Variants in UNC5D observed in about 807,000 individuals in gnomAD.
The protein encoded by UNC5D is unc-5 netrin receptor D.
UNC5D carries 39 observed loss-of-function variants against 105.4 expected under a neutral mutation model. The ratio of observed to expected loss-of-function variants is 0.37; its 90% CI spans 0.29 to 0.48. The LOEUF (loss-of-function observed/expected upper bound fraction) is 0.48. Among genes scored for constraint, UNC5D ranks in the 20% least tolerant of loss-of-function variants. The pLI is 0.98. For missense variants in UNC5D, 991 were observed against 1,202.4 expected, an observed-to-expected ratio of 0.82 and a Z score of 2.60; for synonymous variants, 452 against 450.4, an observed-to-expected ratio of 1.00 and a Z score of -0.04.
chr8:35,451,219 T>C (rs1808132760), intron 1 of UNC5D, among the ~76,000 whole-genome samples: 1 of 152,016 alleles, frequency 6.6e-6, no homozygotes, highest in Non-Finnish European at 1.5e-5. Context: ...AATTTTGTAT[T>C]GTTAGTAGAG....
At chr8:35,261,125 T>C (rs1015363614) in intron 1 of UNC5D, among the ~76,000 whole-genome samples, 2 of 152,200 alleles carry the variant, frequency 1.3e-5, no homozygotes, top group African/African-American at 4.8e-5. Flanking sequence ...AGCAATTAAT[T>C]GTGAAACTAT....
chr8:35,304,810 C>A (rs1371095750), intron 1 of UNC5D, among the ~76,000 whole-genome samples: 2 of 152,102 alleles, frequency 1.3e-5, no homozygotes, highest in Non-Finnish European at 2.9e-5. Context: ...ACTGTGTCTG[C>A]AGCATAATTA....
chr8:35,670,360 T>G (rs1330405319), intron 4 of UNC5D, among the ~76,000 whole-genome samples: 2 of 152,132 alleles, frequency 1.3e-5, no homozygotes, highest in Non-Finnish European at 2.9e-5. Flanking sequence ...GTTTACCTAT[T>G]TTTTAAAGAT....
intron 4 of UNC5D, among the ~76,000 whole-genome samples, chr8:35,660,210 G>C (rs1042096452): frequency 1.3e-5 from 2 of 152,152 alleles, no homozygotes; most frequent in African/African-American, 4.8e-5. Flanking sequence ...AAGGAGCATG[G>C]GGAGAACAGA....
chr8:35,576,703 C>T (rs1292680516), intron 3 of UNC5D, among the ~76,000 whole-genome samples: 1 of 152,180 alleles, frequency 6.6e-6, no homozygotes, highest in Admixed American at 6.5e-5. Context: ...AGCTCTACCT[C>T]CTGGGTTCAT....
rs903751305 is a variant in UNC5D at position 35,532,259 on chromosome 8, C to T, written c.104-17033C>T. 4.0e-3 allele frequency among the ~76,000 whole-genome samples: 603 copies of T among 151,434 alleles called. 5 individuals are homozygous for T. Among genetic ancestry groups the T allele is most frequent in the African/African-American group, 0.014 (569 of 41,162 alleles). On this transcript the variant is annotated intron_variant, in intron 1 of 16. Transcript: ENST00000404895. Reference sequence around the variant, plus strand: ...CAGGCCTGGTGGTGACAAAATCTCTCAGCATTTGCTTGTCTGTGAAGTATT... The same window carrying T: ...CAGGCCTGGTGGTGACAAAATCTCTTAGCATTTGCTTGTCTGTGAAGTATT...
intron 1 of UNC5D, among the ~76,000 whole-genome samples, chr8:35,508,568 T>C: frequency 6.6e-6 from 1 of 152,200 alleles, no homozygotes; most frequent in Non-Finnish European, 1.5e-5. Context: ...AAAGACAAAT[T>C]GTACATTTTT....
At chr8:35,336,671 A>G (rs10109298) in intron 1 of UNC5D, among the ~76,000 whole-genome samples, 15,381 of 152,212 alleles carry the variant, frequency 0.1, 1,490 homozygotes, top group African/African-American at 0.26. Flanking sequence ...TAGCCTGCCT[A>G]AGGATAGTAT....
chr8:35,398,036 A>C (rs759405268), intron 1 of UNC5D, among the ~76,000 whole-genome samples: 1 of 152,200 alleles, frequency 6.6e-6, no homozygotes, highest in Non-Finnish European at 1.5e-5. Flanking sequence ...CTGAACCTTC[A>C]GGGTTTGAAC....
chr8:35,528,077 G>T, intron 1 of UNC5D, among the ~76,000 whole-genome samples: 1 of 141,778 alleles, frequency 7.1e-6, no homozygotes. Context: ...TTAAGTTTTA[G>T]GGTACATGTG....
intron 1 of UNC5D, among the ~76,000 whole-genome samples, chr8:35,445,227 G>C (rs1807694252): frequency 6.6e-6 from 1 of 151,894 alleles, no homozygotes; most frequent in South Asian, 2.1e-4. Context: ...TCCACTCCTA[G>C]TCATTCAGTA....
chr8:35,726,094 C>A, intron 9 of UNC5D, 58 bp from the exon 10 acceptor site: 1 of 1,551,602 alleles, frequency 6.4e-7, no homozygotes, highest in Non-Finnish European at 8.7e-7. Context: ...GGCAGAAGTA[C>A]AGGAGTAACT....
chr8:35,288,931 G>A (rs1400992277), intron 1 of UNC5D, among the ~76,000 whole-genome samples: 2 of 151,782 alleles, frequency 1.3e-5, no homozygotes, highest in Admixed American at 1.3e-4. Flanking sequence ...CAGCAGGAAA[G>A]GAAGAAAAAA....
At chr8:35,756,915 T>G (rs901149578) in intron 13 of UNC5D, among the ~76,000 whole-genome samples, 5 of 152,184 alleles carry the variant, frequency 3.3e-5, no homozygotes, top group Non-Finnish European at 5.9e-5. Context: ...AGGGTATATT[T>G]GAGAAAGCCT....
At position 35,586,411 on chromosome 8, in the gene UNC5D, T is replaced by TAAA. The variant is rs138564778; in HGVS notation, c.467-9142_467-9141insAAA. ...AAAATTCACCTAACAGAAAGCCTTTTATGTGCCTTCCCTCGGGAACTGAAG... is the reference window on the plus strand; with the variant it reads ...AAAATTCACCTAACAGAAAGCCTTTTAAAATGTGCCTTCCCTCGGGAACTGAAG... On this transcript the variant is annotated intron_variant, in intron 3 of 16. Transcript: ENST00000404895. Among the ~76,000 whole-genome samples, 1,012 of 152,294 alleles carry TAAA rather than the reference T, an allele frequency of 6.6e-3. 14 individuals carry two copies. Among genetic ancestry groups the TAAA allele is most frequent in the African/African-American group, 0.022 (929 of 41,564 alleles).
chr8:35,482,793 CTTTTTTTTTTTTTT>C (rs5890816), intron 1 of UNC5D, among the ~76,000 whole-genome samples: 4 of 78,146 alleles, frequency 5.1e-5, no homozygotes, highest in East Asian at 4.2e-4. Context: ...TTAAAGAGAT[CTTTTTTTTTTTTTT>C]TTTTTTTTTT....
At chr8:35,786,256 G>A (rs1032236341) in intron 16 of UNC5D, among the ~76,000 whole-genome samples, 7 of 152,196 alleles carry the variant, frequency 4.6e-5, no homozygotes, top group Non-Finnish European at 1.0e-4. Context: ...TGAGATTTAT[G>A]TTGTGCTGAA....
intron 1 of UNC5D, among the ~76,000 whole-genome samples, chr8:35,508,479 G>A (rs909042561): frequency 6.6e-6 from 1 of 152,168 alleles, no homozygotes; most frequent in African/African-American, 2.4e-5. Context: ...ACAAAGGCAG[G>A]GATCACTTGC....
intron 4 of UNC5D, among the ~76,000 whole-genome samples, chr8:35,673,783 C>T (rs1825000903): frequency 6.6e-6 from 1 of 152,070 alleles, no homozygotes; most frequent in Non-Finnish European, 1.5e-5. Context: ...AATACCAGTC[C>T]CTTTTCTCAG....
Sources: allele counts gnomAD v4.1 joint callset (sites outside exome capture counted in the v4.1 genomes callset), GRCh38; gene constraint gnomAD v4.1.1; transcripts MANE v1.5; gene names NCBI Gene and HGNC (gene_info 2026-07-23, HGNC 2026-07-21).